The following PDSS1 variants were observed in gnomAD, a reference collection of about 807,000 sequenced individuals.
PDSS1 encodes the protein all trans-polyprenyl-diphosphate synthase PDSS1.
A neutral mutation model predicts 57.5 loss-of-function variants in PDSS1; 43 were observed. The ratio of observed to expected loss-of-function variants is 0.75; its 90% CI spans 0.59 to 0.96. PDSS1 has a LOEUF of 0.96. Among genes scored for constraint, PDSS1 ranks in the 50% least tolerant of loss-of-function variants. The pLI is 0.00. For synonymous variants in PDSS1, 175 were observed against 191.3 expected, an observed-to-expected ratio of 0.91 and a Z score of 0.70; for missense variants, 438 against 527.8, an observed-to-expected ratio of 0.83 and a Z score of 1.67.
intron 4 of PDSS1, among the ~76,000 whole-genome samples, chr10:26,708,324 C>T (rs927285679): frequency 2.0e-5 from 3 of 152,156 alleles, no homozygotes; most frequent in Admixed American, 6.5e-5. Context: ...CAGATACAAG[C>T]GACACACACC....
chr10:26,736,860 C>T (rs1836423726), intron 10 of PDSS1, among the ~76,000 whole-genome samples: 1 of 152,186 alleles, frequency 6.6e-6, no homozygotes, highest in Non-Finnish European at 1.5e-5. Flanking sequence ...GAGTATAATA[C>T]ATGTGCCCAG....
intron 4 of PDSS1, among the ~76,000 whole-genome samples, chr10:26,708,709 A>G (rs1341334061): frequency 6.6e-6 from 1 of 152,100 alleles, no homozygotes; most frequent in African/African-American, 2.4e-5. Flanking sequence ...CTGTGGCCTT[A>G]CTATCTTCCT....
At chr10:26,734,824 G>C in intron 8 of PDSS1, 4 of 451,750 alleles carry the variant, frequency 8.9e-6, no homozygotes, top group Non-Finnish European at 1.8e-5. Flanking sequence ...CATTGATAGA[G>C]ATGATTAAAG....
intron 5 of PDSS1, among the ~76,000 whole-genome samples, chr10:26,713,518 C>T (rs1181301400): frequency 1.3e-5 from 2 of 151,704 alleles, no homozygotes; most frequent in African/African-American, 4.8e-5. Flanking sequence ...TGTGGGATGT[C>T]TGTAAACAAC....
intron 8 of PDSS1, among the ~76,000 whole-genome samples, chr10:26,730,711 ACC>A (rs1443119901): frequency 2.0e-5 from 3 of 151,710 alleles, no homozygotes; most frequent in African/African-American, 7.3e-5. Flanking sequence ...TTCTTCCCCT[ACC>A]CCCTTGTAGG....
chr10:26,723,072 C>T (rs1835840200), intron 6 of PDSS1, among the ~76,000 whole-genome samples: 1 of 152,140 alleles, frequency 6.6e-6, no homozygotes, highest in African/African-American at 2.4e-5. Context: ...TCCCACTCCA[C>T]TCCACCCTCC....
chr10:26,741,077 G>T (rs150902756), intron 10 of PDSS1, among the ~76,000 whole-genome samples: 3 of 149,112 alleles, frequency 2.0e-5, no homozygotes, highest in Admixed American at 2.0e-4. Flanking sequence ...CAACCTTGGC[G>T]GCACATTAAA....
At chr10:26,723,783 GT>G (rs1835861661) in intron 6 of PDSS1, 22 bp from the exon 7 acceptor site, 1 of 1,516,076 alleles carries the variant, frequency 6.6e-7, no homozygotes, top group Admixed American at 1.7e-5. Flanking sequence ...AGAACGTTCT[GT>G]TTTCCCCCTG....
chr10:26,697,780 C>A lies in PDSS1; in HGVS notation c.69C>A (p.Pro23=). The A allele has an allele frequency of 1.5e-6, 2 of 1,299,212 alleles. No individual in the cohort carries two copies. The highest frequency in any genetic ancestry group is 1.9e-6 in the Non-Finnish European group (2 of 1,028,388). 80.5% of individuals were successfully genotyped at this position (1,299,212 alleles called of 1,614,324 possible). A position where few individuals can be genotyped will look rare whatever the true frequency, so the allele number is the denominator to read the frequency against. The change falls in exon 1 of 12, where the codon CCC becomes CCA. Residue 23 remains proline, a synonymous_variant. Coordinates refer to ENST00000376215, the MANE Select transcript of PDSS1 (RefSeq NM_014317.5). ...AGCCGGCGGCGCGGAGCCCCGGGCC[C>A]GGCTCCCCCGGCCGTGCGGGACCGT... ...SWKPAARSPG[P]GSPGRAGPLG... is the part of the protein sequence containing the mutation.
At chr10:26,698,099 G>C (rs1349887800) in intron 1 of PDSS1, among the ~76,000 whole-genome samples, 1 of 152,048 alleles carries the variant, frequency 6.6e-6, no homozygotes, top group Non-Finnish European at 1.5e-5. Context: ...GCGTTTTGGG[G>C]GGTGGAGAAA....
chr10:26,704,569 T>C, intron 2 of PDSS1, 108 bp from the exon 3 acceptor site: 1 of 704,906 alleles, frequency 1.4e-6, no homozygotes. Flanking sequence ...AATCTACCTG[T>C]AAATGGGTGA....
chr10:26,707,074 G>A (rs3121611), intron 4 of PDSS1, among the ~76,000 whole-genome samples: 79,001 of 151,590 alleles, frequency 0.52, 21,622 homozygotes, highest in Middle Eastern at 0.63. Flanking sequence ...CTTGCATCCC[G>A]TCTCCCCGGA....
rs1442868496 is a variant in PDSS1 at position 26,746,635 on chromosome 10, T to C, written c.*162T>C. ...ATTTTTTTTTATTGCAAAAGTTTTT[T>C]CAGAAAACTTTTTAAATGTAATTAA... On this transcript the variant is annotated 3_prime_UTR_variant, in exon 12 of 12. Coordinates refer to ENST00000376215, the MANE Select transcript of PDSS1 (RefSeq NM_014317.5). The C allele has an allele frequency of 5.6e-6, 4 of 711,164 alleles. No homozygotes were observed. The highest frequency in any genetic ancestry group is 5.4e-5 in the African/African-American group (3 of 55,888). The allele number at this position is 711,164 out of a possible 1,614,324, so 44.1% of individuals were successfully genotyped here. A position where few individuals can be genotyped will look rare whatever the true frequency, so the allele number is the denominator to read the frequency against.
At chr10:26,719,313 A>T (rs908413843) in intron 5 of PDSS1, among the ~76,000 whole-genome samples, 1 of 152,216 alleles carries the variant, frequency 6.6e-6, no homozygotes, top group African/African-American at 2.4e-5. Context: ...TGTAAAATTT[A>T]TATCTGTGTC....
At chr10:26,711,804 G>A (rs1325792099) in intron 5 of PDSS1, among the ~76,000 whole-genome samples, 1 of 93,902 alleles carries the variant, frequency 1.1e-5, no homozygotes, top group African/African-American at 3.5e-5. Flanking sequence ...AGTGTCCCAT[G>A]GTCCCACGCA....
chr10:26,726,394 A>G (rs1417257701), intron 8 of PDSS1, among the ~76,000 whole-genome samples: 1 of 152,236 alleles, frequency 6.6e-6, no homozygotes, highest in African/African-American at 2.4e-5. Context: ...AGTGTGAGCT[A>G]TTTGAATAAA....
intron 4 of PDSS1, among the ~76,000 whole-genome samples, chr10:26,708,203 A>G (rs904809769): frequency 1.1e-4 from 17 of 152,188 alleles, no homozygotes; most frequent in African/African-American, 4.1e-4. Flanking sequence ...CTAAGTCGGT[A>G]ATTTACTGAA....
intron 2 of PDSS1, among the ~76,000 whole-genome samples, chr10:26,704,101 A>AAAAAAAAAAAAT (rs1428310623): frequency 6.7e-6 from 1 of 148,684 alleles, no homozygotes; most frequent in African/African-American, 2.4e-5. Flanking sequence ...AAAAAAAAAA[A>AAAAAAAAAAAAT]ATATGGCTAG....
intron 5 of PDSS1, among the ~76,000 whole-genome samples, chr10:26,719,652 C>T (rs1835716007): frequency 6.6e-6 from 1 of 152,110 alleles, no homozygotes; most frequent in Non-Finnish European, 1.5e-5. Context: ...CCTGTAGTCC[C>T]AGCTACTCAT....
Sources: gnomAD v4.1 joint callset for allele counts (sites outside exome capture counted in the v4.1 genomes callset) on GRCh38, gnomAD v4.1.1 for gene constraint, MANE v1.5 for transcripts, NCBI Gene and HGNC (gene_info 2026-07-23, HGNC 2026-07-21) for gene names.